ZNF536: variants seen among roughly 807,000 people sequenced by gnomAD.
ZNF536 encodes zinc finger protein 536.
A neutral mutation model predicts 84.5 loss-of-function variants in ZNF536; 13 were observed. That is an observed-to-expected ratio of 0.15 (90% CI 0.10 to 0.24). The LOEUF (loss-of-function observed/expected upper bound fraction) is 0.24, where lower values mean the gene tolerates loss of function less well. ZNF536 is among the 10% of genes least tolerant of loss of function. The probability of loss-of-function intolerance (pLI) is 1.00; values close to 1 mark genes in which losing one functional copy is unlikely to be tolerated. For missense variants in ZNF536, 1,536 were observed against 1,747.5 expected (o/e 0.88, Z 2.16); for synonymous variants, 811 against 742.5 (o/e 1.09, Z -1.50).
chr19:30,578,465 G>A (rs1165056200), intron 1 of ZNF536, among the ~76,000 whole-genome samples: 2 of 152,202 alleles, frequency 1.3e-5, no homozygotes, highest in Non-Finnish European at 2.9e-5. Context: ...TTCTTTTTCG[G>A]TTGTCATGCT....
intron 1 of ZNF536, among the ~76,000 whole-genome samples, chr19:30,672,276 G>C (rs1196286696): frequency 2.0e-5 from 3 of 152,222 alleles, no homozygotes; most frequent in Non-Finnish European, 4.4e-5. Flanking sequence ...TTGTGCTGAT[G>C]TTATAGAGAC....
chr19:30,386,792 AT>A (rs2049360636), intron 1 of ZNF536, among the ~76,000 whole-genome samples: 1 of 152,158 alleles, frequency 6.6e-6, no homozygotes, highest in African/African-American at 2.4e-5. Context: ...TTAGGTATTT[AT>A]TTGTGGCTTT....
At chr19:30,679,061 T>G (rs1215910423) in intron 1 of ZNF536, among the ~76,000 whole-genome samples, 3 of 151,938 alleles carry the variant, frequency 2.0e-5, no homozygotes, top group African/African-American at 7.3e-5. Flanking sequence ...CATGAGTAGA[T>G]TCTCTCAGTG....
chr19:30,327,594 C>T (rs1300591672), intron 2 of ZNF536, among the ~76,000 whole-genome samples: 1 of 152,222 alleles, frequency 6.6e-6, no homozygotes, highest in African/African-American at 2.4e-5. Context: ...AACCCTTCAG[C>T]AGGCTTTGTT....
At chr19:30,542,041 C>T (rs193252676) in intron 3 of ZNF536, among the ~76,000 whole-genome samples, 1 of 151,976 alleles carries the variant, frequency 6.6e-6, no homozygotes, top group Non-Finnish European at 1.5e-5. Flanking sequence ...ATTGAGGATG[C>T]AAATACAGGA....
At chr19:30,602,937 C>T (rs927572515) in intron 1 of ZNF536, among the ~76,000 whole-genome samples, 1 of 152,164 alleles carries the variant, frequency 6.6e-6, no homozygotes, top group African/African-American at 2.4e-5. Flanking sequence ...ACAAGCTAGA[C>T]TTCGGTACCC....
intron 1 of ZNF536, among the ~76,000 whole-genome samples, chr19:30,608,758 G>A (rs148486247): frequency 6.6e-6 from 1 of 152,314 alleles, no homozygotes; most frequent in Non-Finnish European, 1.5e-5. Flanking sequence ...GTGAACTTAT[G>A]TTGTGGAAAT....
intron 1 of ZNF536, among the ~76,000 whole-genome samples, chr19:30,629,096 C>G (rs1347633255): frequency 6.6e-6 from 1 of 152,200 alleles, no homozygotes; most frequent in Non-Finnish European, 1.5e-5. Flanking sequence ...GGGGCTTAGA[C>G]TTTGTGTGGC....
At chr19:30,629,284 G>A (rs540149922) in intron 1 of ZNF536, among the ~76,000 whole-genome samples, 2 of 152,182 alleles carry the variant, frequency 1.3e-5, no homozygotes, top group East Asian at 1.9e-4. Flanking sequence ...CTGCAGGCTC[G>A]ACCTCCTCGG....
chr19:30,468,679 G>A (rs371469148), intron 2 of ZNF536, among the ~76,000 whole-genome samples: 1 of 152,130 alleles, frequency 6.6e-6, no homozygotes, highest in Non-Finnish European at 1.5e-5. Flanking sequence ...GAGGGATGGA[G>A]ATATGGTCTT....
At chr19:30,301,265 C>A (rs534410022) in intron 2 of ZNF536, among the ~76,000 whole-genome samples, 1 of 152,194 alleles carries the variant, frequency 6.6e-6, no homozygotes, top group African/African-American at 2.4e-5. Context: ...ACAGAAATAA[C>A]CTCTTCACAT....
intron 2 of ZNF536, among the ~76,000 whole-genome samples, chr19:30,325,886 T>C (rs886694652): frequency 5.9e-5 from 9 of 152,088 alleles, no homozygotes; most frequent in African/African-American, 2.2e-4. Context: ...TGTGGGGGTG[T>C]CGCCTCTCCT....
In ZNF536 at chr19:30,445,695, G is replaced by A. The variant is rs767835049; in HGVS notation, c.2133G>A (p.Gln711=). 28 of 1,594,444 alleles carry A rather than the reference G, an allele frequency of 1.8e-5. No homozygotes were observed. The African/African-American group carries it at 3.5e-4, about 20-fold the overall frequency. ...GCCTCTCCCAGACCGGGAGTGCCCA[G>A]GAGGACAGCCCGCACCCCTCCTCGC... ...GGGLSQTGSA[Q]EDSPHPSSPS... Residue 711 remains glutamine, a synonymous_variant, in exon 2 of 5, where the codon CAG becomes CAA. Transcript: ENST00000355537. This position sits in a 1 kb window ranked among gnomAD's most constrained non-coding sequence, Gnocchi z 4.5.
At chr19:30,402,796 A>ATATATATATATAT (rs1555744993) in intron 1 of ZNF536, among the ~76,000 whole-genome samples, 6,437 of 85,066 alleles carry the variant, frequency 0.076, 787 homozygotes, top group Non-Finnish European at 0.11. Flanking sequence ...AAAATTAAAA[A>ATATATATATATAT]ATATATATAT....
rs753721130 is a variant in ZNF536, at chr19:30,445,575, G to T, written c.2013G>T (p.Arg671=). 1 of 1,613,254 alleles carries T rather than the reference G, an allele frequency of 6.2e-7. No individual in the cohort carries two copies. Among genetic ancestry groups the T allele is most frequent in the Non-Finnish European group, 8.5e-7 (1 of 1,179,730 alleles). ...GGCTGCACGTGGGCCTGGATGAGCG[G>T]CGTGGCTCGGGCAGTGACCAGGAGT... The part of the protein sequence containing the change: ...EDGLHVGLDE[R]RGSGSDQESQ... The change falls in exon 2 of 5, where the codon CGG becomes CGT. Residue 671 remains arginine (R), a synonymous_variant. Transcript: ENST00000355537. The surrounding 1 kb of genome is among the most constrained non-coding windows in gnomAD (Gnocchi z 4.5).
intron 1 of ZNF536, among the ~76,000 whole-genome samples, chr19:30,639,029 T>C (rs2049172353): frequency 6.6e-6 from 1 of 152,248 alleles, no homozygotes; most frequent in African/African-American, 2.4e-5. Context: ...CTAAAGTCTG[T>C]AACTCTAGAA....
At chr19:30,409,058 T>TCATC (rs796160207) in intron 1 of ZNF536, among the ~76,000 whole-genome samples, 34 of 151,054 alleles carry the variant, frequency 2.3e-4, no homozygotes, top group Admixed American at 9.2e-4. Context: ...ATCCATCCAC[T>TCATC]CATCCATCCA....
intron 1 of ZNF536, among the ~76,000 whole-genome samples, chr19:30,377,382 T>C (rs370926913): frequency 6.6e-6 from 1 of 152,094 alleles, no homozygotes; most frequent in Non-Finnish European, 1.5e-5. Flanking sequence ...GTCGCCAGAA[T>C]GATGTTACGG....
intron 1 of ZNF536, among the ~76,000 whole-genome samples, chr19:30,373,227 C>T (rs566371566): frequency 6.6e-6 from 1 of 152,082 alleles, no homozygotes; most frequent in Non-Finnish European, 1.5e-5. Context: ...TCCAGTAGAA[C>T]GGAACTCTTC....
Sources: allele counts gnomAD v4.1 joint callset (sites outside exome capture counted in the v4.1 genomes callset), GRCh38; gene constraint gnomAD v4.1.1; non-coding constraint Gnocchi (gnomAD v3.1); transcripts MANE v1.5; gene names NCBI Gene and HGNC (gene_info 2026-07-23, HGNC 2026-07-21).